Variants in GRK2 observed in about 807,000 individuals in gnomAD.
The protein encoded by GRK2 is adrenergic beta receptor kinase 1.
GRK2 carries 23 observed loss-of-function variants against 97.8 expected under a neutral mutation model. That is an observed-to-expected ratio of 0.24 (90% CI 0.17 to 0.33). GRK2 has a LOEUF of 0.33. Among genes scored for constraint, GRK2 ranks in the 10% least tolerant of loss-of-function variants. GRK2 has a pLI of 1.00. For missense variants in GRK2, 633 were observed against 956.9 expected (o/e 0.66, Z 4.47); for synonymous variants, 425 against 381.7 (o/e 1.11, Z -1.32).
At position 67,266,654 on chromosome 11, in the gene GRK2, G is replaced by A. The variant is rs547694717; in HGVS notation, c.-46G>A. 4.8e-4 allele frequency: 283 copies of A among 592,668 alleles called. 2 individuals carry two copies. The East Asian group carries it at 0.026, about 54-fold the overall frequency. 36.7% of individuals were successfully genotyped at this position (592,668 alleles called of 1,614,324 possible). A position where few individuals can be genotyped will look rare whatever the true frequency, so the allele number is the denominator to read the frequency against. The stretch of plus-strand genomic sequence containing the variant: ...GGCCGAGCGCCGAGCGAGCAGGAGC[G>A]GCGGCGGCGGCGGCGGCGGCGGGAG... On this transcript the variant is annotated 5_prime_UTR_variant, in exon 1 of 21. Coordinates refer to ENST00000308595, the MANE Select transcript of GRK2 (RefSeq NM_001619.5).
intron 1 of GRK2, among the ~76,000 whole-genome samples, chr11:67,275,326 G>T (rs1294774299): frequency 6.6e-6 from 1 of 152,188 alleles, no homozygotes; most frequent in South Asian, 2.1e-4. Flanking sequence ...GGCCAGGTCC[G>T]CACTGTCTGG....
At chr11:67,277,093 G>C (rs1370152136) in intron 1 of GRK2, 179 bp from the exon 2 acceptor site, 1 of 544,896 alleles carries the variant, frequency 1.8e-6, no homozygotes, top group Admixed American at 3.4e-5. Context: ...TGCAGGCAAA[G>C]GCTTCCTTGA....
intron 1 of GRK2, among the ~76,000 whole-genome samples, chr11:67,268,354 G>A (rs1237792744): frequency 6.6e-6 from 1 of 152,130 alleles, no homozygotes; most frequent in African/African-American, 2.4e-5. Flanking sequence ...AGGCCGTTAG[G>A]GCCTTTTTTT....
intron 5 of GRK2, 49 bp from the exon 6 acceptor site, chr11:67,279,790 A>G (rs2136500153): frequency 6.2e-7 from 1 of 1,613,168 alleles, no homozygotes; most frequent in South Asian, 1.1e-5. Flanking sequence ...GGCCTGGGCA[A>G]CCACGGTCTC....
At chr11:67,270,715 C>T (rs754231487) in intron 1 of GRK2, among the ~76,000 whole-genome samples, 6 of 152,190 alleles carry the variant, frequency 3.9e-5, no homozygotes, top group Non-Finnish European at 7.3e-5. Flanking sequence ...TTTGAAGCAC[C>T]GCCGTTCCCC....
At position 67,275,264 on chromosome 11, in the gene GRK2, C is replaced by T. The variant is rs528960212; in HGVS notation, c.114-2008C>T. On this transcript the variant is annotated intron_variant, in intron 1 of 20. Coordinates refer to ENST00000308595, the MANE Select transcript of GRK2 (RefSeq NM_001619.5). ...CTGGAAGGACAGTGCCCAGTGGAAG[C>T]GGATAAGAGCCCCCTCTCGAGGCCG... is the stretch of plus-strand genomic sequence containing the variant. Among the ~76,000 whole-genome samples, 7 of 152,280 alleles carry T rather than the reference C, an allele frequency of 4.6e-5. No homozygotes were observed. In the South Asian group the frequency reaches 1.2e-3, roughly 27 times the overall value.
chr11:67,283,085 G>C, intron 14 of GRK2, 43 bp from the exon 15 acceptor site: 1 of 1,590,144 alleles, frequency 6.3e-7, no homozygotes. Context: ...TGGGGTCAAG[G>C]GCTCTTCCTA....
chr11:67,281,015 C>A lies in GRK2; in HGVS notation c.556-78C>A. ...TATGGGGACCCTGGCATGGGGCCAG[C>A]CCCTGCTGCCCAGGTGCCTCTGCCC... On this transcript the variant is annotated intron_variant, in intron 7 of 20. Coordinates refer to ENST00000308595, the MANE Select transcript of GRK2 (RefSeq NM_001619.5). The surrounding 1 kb of genome is among the most constrained non-coding windows in gnomAD (Gnocchi z 5.7). The A allele has an allele frequency of 7.5e-7, 1 of 1,334,406 alleles. No individual in the cohort carries two copies. Among genetic ancestry groups the A allele is most frequent in the Non-Finnish European group, 1.0e-6 (1 of 955,680 alleles). The allele number at this position is 1,334,406 out of a possible 1,614,324, so 82.7% of individuals were successfully genotyped here.
At position 67,266,735 on chromosome 11, in the gene GRK2, C is replaced by T. The variant is rs1859808727; in HGVS notation, c.36C>T (p.Ser12=). 4 of 1,357,046 alleles carry T rather than the reference C, an allele frequency of 2.9e-6. No homozygotes were observed. Among genetic ancestry groups the T allele is most frequent in the Admixed American group, 2.7e-5 (1 of 36,376 alleles). 84.1% of individuals were successfully genotyped at this position (1,357,046 alleles called of 1,614,324 possible). A position where few individuals can be genotyped will look rare whatever the true frequency, so the allele number is the denominator to read the frequency against. ...ADLEAVLADV[S]YLMAMEKSKA... is the part of the protein sequence containing the mutation. ...TGGAGGCGGTGCTGGCCGACGTGAG[C>T]TACCTGATGGCCATGGAGAAGAGCA... Residue 12 remains serine, a synonymous_variant, in exon 1 of 21, where the codon AGC becomes AGT. Transcript: ENST00000308595.
At position 67,285,002 on chromosome 11, in the gene GRK2, G is replaced by A; in HGVS notation, c.1791+19G>A. On this transcript the variant is annotated intron_variant, in intron 19 of 20. Transcript: ENST00000308595. ...GGCCCCGGTAAGGAGCCCGTGCGGG[G>A]GTCCGGGAGCCGGGCTTCCGGGTGG... 6.2e-7 allele frequency: 1 copy of A among 1,612,272 alleles called. No homozygotes were observed. The highest frequency in any genetic ancestry group is 1.7e-5 in the Admixed American group (1 of 59,970).
intron 3 of GRK2, 22 bp downstream of exon 3, chr11:67,279,295 C>A (rs1046538035): frequency 2.5e-6 from 4 of 1,612,800 alleles, no homozygotes; most frequent in Non-Finnish European, 3.4e-6. Flanking sequence ...AGGCCCAAGC[C>A]CTGCTCTGCC....
intron 6 of GRK2, 119 bp from the exon 7 acceptor site, chr11:67,280,613 A>T: frequency 8.8e-7 from 1 of 1,130,680 alleles, no homozygotes. Context: ...AACGCTCGTG[A>T]TGTTTCCACA....
rs148901952 is a variant in GRK2, at chr11:67,280,321, T to C, written c.504-411T>C. ...CGGTGGGTGGGAATTGTAGGTAGAT[T>C]TCAGCCAGCTTTAGGGAGCAGCTGT... On this transcript the variant is annotated intron_variant, in intron 6 of 20. Transcript: ENST00000308595. 47 of 364,964 alleles carry C rather than the reference T, an allele frequency of 1.3e-4. 1 individual carries two copies. The East Asian group carries it at 2.9e-3, about 22-fold the overall frequency. 22.6% of individuals were successfully genotyped at this position (364,964 alleles called of 1,614,324 possible).
At chr11:67,270,422 C>G (rs1590845324) in intron 1 of GRK2, among the ~76,000 whole-genome samples, 3 of 151,960 alleles carry the variant, frequency 2.0e-5, no homozygotes, top group South Asian at 4.1e-4. Flanking sequence ...CTTCCTGCCC[C>G]TTTCTGGCTT....
chr11:67,273,807 G>T lies in GRK2; in HGVS notation c.114-3465G>T, dbSNP rs140965714. Among the ~76,000 whole-genome samples the T allele has an allele frequency of 9.2e-5, 14 of 152,284 alleles. 1 individual carries two copies. The highest frequency in any genetic ancestry group is 7.8e-4 in the Admixed American group (12 of 15,298). ...GGGAGAGATGGCCTCAGAGCCCCGG[G>T]TCCTGCTTCCTGCTGTTCCCAGGCC... On this transcript the variant is annotated intron_variant, in intron 1 of 20. Transcript: ENST00000308595.
rs1393761312 is a variant in GRK2 at position 67,266,796 on chromosome 11, C to G, written c.97C>G (p.Leu33Val). The change falls in exon 1 of 21, where the codon CTG (leucine) becomes GTG (valine). Residue 33 changes from leucine to valine, a missense_variant. Physicochemically the swap from Leu to Val is conservative, Grantham distance 32 (BLOSUM62 1). Coordinates refer to ENST00000308595, the MANE Select transcript of GRK2 (RefSeq NM_001619.5). ...GGCCGCGCGCGCCAGCAAGAAGATC[C>G]TGCTGCCCGAGCCCAGGTGAGGAGA... is the stretch of plus-strand genomic sequence containing the variant. ...TPAARASKKILLPEPSIRSVM... is the reference protein window; with the variant it reads ...TPAARASKKIVLPEPSIRSVM... 1.5e-6 allele frequency: 2 copies of G among 1,322,932 alleles called. No homozygotes were observed. Among genetic ancestry groups the G allele is most frequent in the Non-Finnish European group, 2.0e-6 (2 of 1,023,842 alleles). 81.9% of individuals were successfully genotyped at this position (1,322,932 alleles called of 1,614,324 possible). A position where few individuals can be genotyped will look rare whatever the true frequency, so the allele number is the denominator to read the frequency against.
Position 67,281,797 on chromosome 11 carries a change from C to A in GRK2, c.827-25C>A. On this transcript the variant is annotated intron_variant, in intron 10 of 20. Coordinates refer to ENST00000308595, the MANE Select transcript of GRK2 (RefSeq NM_001619.5). The surrounding 1 kb of genome is among the most constrained non-coding windows in gnomAD (Gnocchi z 5.7). ...GGAGGCTGGGGCAAGACACTGAGTG[C>A]TGCCTGTGGGACTGCCTCCCTCAGG... 1 of 1,613,698 alleles carries A rather than the reference C, an allele frequency of 6.2e-7. No individual in the cohort carries two copies.
rs1251432709 is a variant in GRK2, at chr11:67,284,964, G to GGGGCGA, written c.1781_1786dup (p.Gly594_Glu595dup). 5 of 1,611,480 alleles carry GGGGCGA rather than the reference G, an allele frequency of 3.1e-6. No individual in the cohort carries two copies. The highest frequency in any genetic ancestry group is 3.4e-6 in the Non-Finnish European group (4 of 1,179,230). On this transcript the variant is annotated inframe_insertion, in exon 19 of 21. Transcript: ENST00000308595. ...CTGTTCCCCAACCGCCTCGAGTGGC[G>GGGGCGA]GGGCGAGGGCGAGGCCCCGGTAAGG...
chr11:67,283,293 C>A, intron 15 of GRK2, 65 bp downstream of exon 15: 1 of 1,428,862 alleles, frequency 7.0e-7, no homozygotes, highest in Non-Finnish European at 9.9e-7. Flanking sequence ...GGCTGTGTCC[C>A]GTCACCTGGA....
Sources: allele counts gnomAD v4.1 joint callset (sites outside exome capture counted in the v4.1 genomes callset), GRCh38; gene constraint gnomAD v4.1.1; non-coding constraint Gnocchi (gnomAD v3.1); transcripts MANE v1.5; gene names NCBI Gene and HGNC (gene_info 2026-07-23, HGNC 2026-07-21).